FIBCD1: variants seen among roughly 807,000 people sequenced by gnomAD.
The protein encoded by FIBCD1 is fibrinogen C domain containing 1.
FIBCD1 carries 47 observed loss-of-function variants against 45.1 expected under a neutral mutation model. The ratio of observed to expected loss-of-function variants is 1.04; its 90% CI spans 0.82 to 1.33. FIBCD1 has a LOEUF of 1.33. Among genes scored for constraint, FIBCD1 ranks in the 40% most tolerant of loss-of-function variants. The pLI is 0.00. For missense variants in FIBCD1, 653 were observed against 682.2 expected (o/e 0.96, Z 0.48); for synonymous variants, 313 against 308.1 (o/e 1.02, Z -0.17).
intron 4 of FIBCD1, among the ~76,000 whole-genome samples, chr9:130,912,700 GTCTGAA>G (rs935240026): frequency 7.4e-5 from 10 of 134,984 alleles, no homozygotes; most frequent in African/African-American, 3.5e-4. Context: ...GAGCAAAACT[GTCTGAA>G]AAAAAAAAAA....
Position 130,904,069 on chromosome 9 carries a change from G to A in FIBCD1, c.1381C>T (p.Arg461Cys), listed in dbSNP as rs767273025. The change falls in exon 7 of 7, where the codon CGC becomes TGC. Residue 461 changes from arginine (R) to cysteine (C), a missense_variant. Arg to Cys is a radical substitution (Grantham distance 180). Transcript: ENST00000372338. ...CAAGGACAAGGTGCACCAGTCTAGCGGTCCTCCCGGACCGGCCGGATCTTC... is the reference window on the plus strand; with the variant it reads ...CAAGGACAAGGTGCACCAGTCTAGCAGTCCTCCCGGACCGGCCGGATCTTC... ...EMKIRPVRED[R>C] 36 of 1,612,144 alleles carry A rather than the reference G, an allele frequency of 2.2e-5. 1 individual carries two copies. The Admixed American group carries it at 4.2e-4, about 19-fold the overall frequency.
At chr9:130,920,179 G>T (rs1238691668) in intron 4 of FIBCD1, among the ~76,000 whole-genome samples, 1 of 152,196 alleles carries the variant, frequency 6.6e-6, no homozygotes, top group Non-Finnish European at 1.5e-5. Flanking sequence ...GCTGGGGGTG[G>T]GGGCTGTGGG....
chr9:130,938,318 C>T, intron 1 of FIBCD1: 1 of 428,846 alleles, frequency 2.3e-6, no homozygotes, highest in Non-Finnish European at 4.2e-6. Flanking sequence ...GCCCGCAGCG[C>T]GCGTGGCTCC....
In FIBCD1 at chr9:130,939,245, G is replaced by A. The variant is rs1832574892; in HGVS notation, c.-638C>T. 3 of 152,116 alleles carry A rather than the reference G, an allele frequency of 2.0e-5. No individual in the cohort carries two copies. The highest frequency in any genetic ancestry group is 2.0e-4 in the Admixed American group (3 of 15,274). 9.4% of individuals were successfully genotyped at this position (152,116 alleles called of 1,614,324 possible). A position where few individuals can be genotyped will look rare whatever the true frequency, so the allele number is the denominator to read the frequency against. On this transcript the variant is annotated 5_prime_UTR_variant, in exon 1 of 7. Transcript: ENST00000372338. Reference sequence around the variant, plus strand: ...CACCATGCGCGGGGCGGGCCCCGAGGGCGCCCCCGCCGGCCGGTTCGGCGT... The same window carrying A: ...CACCATGCGCGGGGCGGGCCCCGAGAGCGCCCCCGCCGGCCGGTTCGGCGT...
chr9:130,931,031 C>T (rs1236151054), intron 1 of FIBCD1, among the ~76,000 whole-genome samples: 2 of 152,140 alleles, frequency 1.3e-5, no homozygotes, highest in Non-Finnish European at 2.9e-5. Flanking sequence ...CACCTCCTCC[C>T]CGCACCCCAC....
rs1025147623 is a variant in FIBCD1 at position 130,924,263 on chromosome 9, C to T, written c.686G>A (p.Gly229Glu). 1 of 1,599,222 alleles carries T rather than the reference C, an allele frequency of 6.3e-7. No individual in the cohort carries two copies. Among genetic ancestry groups the T allele is most frequent in the Non-Finnish European group, 8.5e-7 (1 of 1,174,430 alleles). The stretch of plus-strand genomic sequence containing the variant: ...AGTGGCACAGCCCCGGGGCCGGGTT[C>T]CCCGGGCAGGCGCTCTCTGAAGGTC... ...KADLQRAPAR[G>E]TRPRGCATGS... Residue 229 changes from glycine (G) to glutamate (E), a missense_variant, in exon 3 of 7, where the codon GGA becomes GAA. By Grantham distance (98) the Gly-to-Glu change is moderately conservative (BLOSUM62 -2). Transcript: ENST00000372338.
chr9:130,939,458 T>G (rs534700783), upstream of FIBCD1, among the ~76,000 whole-genome samples: 729 of 152,146 alleles, frequency 4.8e-3, 5 homozygotes, highest in Middle Eastern at 0.01. Context: ...GGGACCTCCC[T>G]GCGCCGGACC....
At position 130,923,803 on chromosome 9, in the gene FIBCD1, G is replaced by A; in HGVS notation, c.790C>T (p.His264Tyr). The change falls in exon 4 of 7, where the codon CAC (histidine) becomes TAC (tyrosine). Residue 264 changes from histidine to tyrosine, a missense_variant. Transcript: ENST00000372338. ...DDGVYSVFPT[H>Y]YPAGFQVYCD... ...TACACCTGGAAGCCGGCCGGGTAGT[G>A]GGTGGGAAAGACAGAGTAGACGCCA... The A allele has an allele frequency of 1.9e-6, 3 of 1,612,942 alleles. No homozygotes were observed. Among genetic ancestry groups the A allele is most frequent in the Admixed American group, 1.7e-5 (1 of 60,024 alleles).
At position 130,938,685 on chromosome 9, in the gene FIBCD1, CGGGCGCG is replaced by C; in HGVS notation, c.-85_-79del. On this transcript the variant is annotated 5_prime_UTR_variant, in exon 1 of 7. Coordinates refer to ENST00000372338, the MANE Select transcript of FIBCD1 (RefSeq NM_032843.5). ...AAAGGAGACGGGGTGGGCGCGGGCG[CGGGCGCG>C]GGGCGCGCTCTGTCCGCCGGGTCCC... is the stretch of plus-strand genomic sequence containing the variant. 9.9e-7 allele frequency: 1 copy of C among 1,007,878 alleles called. No individual in the cohort carries two copies. The highest frequency in any genetic ancestry group is 1.3e-6 in the Non-Finnish European group (1 of 798,022). The allele number at this position is 1,007,878 out of a possible 1,614,324, so 62.4% of individuals were successfully genotyped here.
At position 130,905,401 on chromosome 9, in the gene FIBCD1, A is replaced by G. The variant is rs1460043427; in HGVS notation, c.959T>C (p.Ile320Thr). 1 of 1,613,334 alleles carries G rather than the reference A, an allele frequency of 6.2e-7. No individual in the cohort carries two copies. The highest frequency in any genetic ancestry group is 2.2e-5 in the East Asian group (1 of 44,858). The change falls in exon 6 of 7, where the codon ATC (isoleucine) becomes ACC (threonine). Residue 320 changes from isoleucine (I) to threonine (T), a missense_variant. Ile to Thr is a moderately conservative substitution (Grantham distance 89). Transcript: ENST00000372338. ...GGCAGCCTGTGTGGTCAGGGCGTGG[A>G]TCCTCTTGAGCCCTGAAGTTGGGGG... is the stretch of plus-strand genomic sequence containing the variant. ...TGEHWLGLKR[I>T]HALTTQAAYE... is the part of the protein sequence containing the mutation.
intron 4 of FIBCD1, among the ~76,000 whole-genome samples, chr9:130,921,308 G>A (rs922518771): frequency 3.9e-5 from 6 of 152,238 alleles, no homozygotes; most frequent in Non-Finnish European, 8.8e-5. Context: ...CTGGAGAGGT[G>A]GCAGCCAGCT....
chr9:130,905,833 C>A (rs1298550904), intron 5 of FIBCD1, among the ~76,000 whole-genome samples: 1 of 152,196 alleles, frequency 6.6e-6, no homozygotes, highest in African/African-American at 2.4e-5. Context: ...GGATGCTTGT[C>A]CCTACTCCTC....
intron 6 of FIBCD1, 27 bp from the exon 7 acceptor site, chr9:130,904,350 G>A (rs367961412): frequency 2.5e-6 from 4 of 1,571,536 alleles, no homozygotes; most frequent in South Asian, 2.3e-5. Flanking sequence ...ACAGGTGTGG[G>A]CACGGGGGGC....
chr9:130,921,539 C>G (rs1832261161), intron 4 of FIBCD1, among the ~76,000 whole-genome samples: 1 of 152,228 alleles, frequency 6.6e-6, no homozygotes, highest in Admixed American at 6.5e-5. Flanking sequence ...ATTTCCTCAT[C>G]GACTCCCCTC....
intron 4 of FIBCD1, 70 bp downstream of exon 4, chr9:130,923,674 C>G (rs1174706250): frequency 4.5e-6 from 7 of 1,572,780 alleles, no homozygotes; most frequent in African/African-American, 1.3e-5. Flanking sequence ...CTCGGAATGC[C>G]CGGGTTCAGG....
chr9:130,925,868 G>A (rs376472613), intron 2 of FIBCD1, among the ~76,000 whole-genome samples: 12 of 152,304 alleles, frequency 7.9e-5, no homozygotes, highest in African/African-American at 2.9e-4. Flanking sequence ...TAGCCCATTC[G>A]TGGAAGGAAA....
chr9:130,910,973 A>G (rs1015982380), intron 5 of FIBCD1, among the ~76,000 whole-genome samples: 1 of 152,210 alleles, frequency 6.6e-6, no homozygotes, highest in Admixed American at 6.5e-5. Context: ...TAAACGCACC[A>G]ATCAGCCCCC....
chr9:130,911,082 C>G (rs888433779), intron 5 of FIBCD1, among the ~76,000 whole-genome samples: 1 of 152,220 alleles, frequency 6.6e-6, no homozygotes, highest in African/African-American at 2.4e-5. Flanking sequence ...CGGCAACCCG[C>G]TCAGGTTCCC....
upstream of FIBCD1, among the ~76,000 whole-genome samples, chr9:130,940,636 G>A (rs12343454): frequency 0.044 from 6,699 of 152,316 alleles, 321 homozygotes; most frequent in African/African-American, 0.12. Context: ...CCAAAGGGTT[G>A]ACTGCACACG....
Sources: gnomAD v4.1 joint callset for allele counts (sites outside exome capture counted in the v4.1 genomes callset) on GRCh38, gnomAD v4.1.1 for gene constraint, MANE v1.5 for transcripts, NCBI Gene and HGNC (gene_info 2026-07-23, HGNC 2026-07-21) for gene names.